The following NKAIN3 variants were observed in gnomAD, a reference collection of about 807,000 sequenced individuals.
NKAIN3 encodes sodium/potassium-transporting ATPase subunit beta-1-interacting protein 3.
Under a neutral mutation model 30.2 loss-of-function variants are expected in NKAIN3, and 25 were observed. The observed-to-expected ratio is 0.83, with a 90% CI of 0.60 to 1.16. The LOEUF is 1.16. Ranked by LOEUF, NKAIN3 falls within the 50% of genes most tolerant of loss-of-function variation. NKAIN3 has a pLI of 0.00. For synonymous variants in NKAIN3, 91 were observed against 89.6 expected, an observed-to-expected ratio of 1.02 and a Z score of -0.09; for missense variants, 225 against 254.1, an observed-to-expected ratio of 0.89 and a Z score of 0.78.
At chr8:62,432,928 C>T (rs946812438) in intron 1 of NKAIN3, among the ~76,000 whole-genome samples, 12 of 152,078 alleles carry the variant, frequency 7.9e-5, no homozygotes, top group African/African-American at 2.9e-4. Context: ...TCCCTACCAG[C>T]CATTTGGTAT....
chr8:62,684,727 AG>A (rs1359267700), intron 3 of NKAIN3, among the ~76,000 whole-genome samples: 2 of 152,228 alleles, frequency 1.3e-5, no homozygotes, highest in African/African-American at 4.8e-5. Flanking sequence ...ATCTTTAAAT[AG>A]GTAATTAAGT....
chr8:62,663,839 G>A (rs1169507468), intron 3 of NKAIN3, among the ~76,000 whole-genome samples: 1 of 152,142 alleles, frequency 6.6e-6, no homozygotes, highest in African/African-American at 2.4e-5. Flanking sequence ...AGTGCGTGAT[G>A]CCCAGATGAT....
intron 4 of NKAIN3, among the ~76,000 whole-genome samples, chr8:62,836,102 T>G (rs1819353234): frequency 6.6e-6 from 1 of 151,916 alleles, no homozygotes; most frequent in Non-Finnish European, 1.5e-5. Context: ...AACCAAATAT[T>G]GCATGTTCTC....
At chr8:62,574,218 G>A (rs1272120606) in intron 1 of NKAIN3, among the ~76,000 whole-genome samples, 1 of 152,056 alleles carries the variant, frequency 6.6e-6, no homozygotes, top group African/African-American at 2.4e-5. Flanking sequence ...CAAATGACAG[G>A]ATCTTATTCT....
At chr8:62,609,150 A>C (rs1337441543) in intron 3 of NKAIN3, among the ~76,000 whole-genome samples, 1 of 152,208 alleles carries the variant, frequency 6.6e-6, no homozygotes, top group African/African-American at 2.4e-5. Context: ...GAAACTCCCT[A>C]CTTTATTTTT....
intron 4 of NKAIN3, among the ~76,000 whole-genome samples, chr8:62,811,869 C>T (rs1314727255): frequency 6.6e-6 from 1 of 151,940 alleles, no homozygotes; most frequent in South Asian, 2.1e-4. Context: ...AGCATTTTTC[C>T]TTCCATGGAT....
At chr8:62,397,735 T>G (rs1817808900) in intron 1 of NKAIN3, among the ~76,000 whole-genome samples, 1 of 152,138 alleles carries the variant, frequency 6.6e-6, no homozygotes, top group African/African-American at 2.4e-5. Flanking sequence ...ATCATTGCCC[T>G]GGAGTCGGCG....
At chr8:62,961,246 C>T (rs1468140943) in intron 6 of NKAIN3, among the ~76,000 whole-genome samples, 1 of 151,810 alleles carries the variant, frequency 6.6e-6, no homozygotes, top group Non-Finnish European at 1.5e-5. Context: ...TGCCACTGCA[C>T]TCCAGCCTAG....
intron 1 of NKAIN3, among the ~76,000 whole-genome samples, chr8:62,447,192 A>C (rs1805510935): frequency 6.6e-6 from 1 of 152,046 alleles, no homozygotes; most frequent in Non-Finnish European, 1.5e-5. Flanking sequence ...TCCCAGGCAA[A>C]CCAGGTCATG....
chr8:62,335,174 C>T (rs1190993928), intron 1 of NKAIN3, among the ~76,000 whole-genome samples: 3 of 152,002 alleles, frequency 2.0e-5, no homozygotes, highest in Non-Finnish European at 4.4e-5. Flanking sequence ...GTGGCTCAAG[C>T]CTGTAATTCC....
In NKAIN3 at chr8:62,541,530, G is replaced by T. The variant is rs1447506465; in HGVS notation, c.55-38009G>T. On this transcript the variant is annotated intron_variant, in intron 1 of 6. Transcript: ENST00000623646. ...TGGATGCTTGTTTGTGAGGAGAAGG[G>T]TCTTTTATCTGAAAACTTTTTCTTG... is the stretch of plus-strand genomic sequence containing the variant. Among the ~76,000 whole-genome samples, 11 of 152,110 alleles carry T rather than the reference G, an allele frequency of 7.2e-5. No individual in the cohort carries two copies. The South Asian group carries it at 1.7e-3, about 23-fold the overall frequency.
intron 1 of NKAIN3, among the ~76,000 whole-genome samples, chr8:62,562,260 C>A (rs921008197): frequency 3.9e-5 from 6 of 152,214 alleles, no homozygotes; most frequent in African/African-American, 1.4e-4. Flanking sequence ...AGTATGAGAG[C>A]ATGATGAAAA....
chr8:62,578,975 T>A (rs1202401626), intron 1 of NKAIN3, among the ~76,000 whole-genome samples: 5 of 152,002 alleles, frequency 3.3e-5, no homozygotes, highest in Non-Finnish European at 5.9e-5. Flanking sequence ...ATCTGGTATT[T>A]GATAGCACAA....
At chr8:62,959,534 A>G (rs1310143044) in intron 6 of NKAIN3, among the ~76,000 whole-genome samples, 2 of 151,770 alleles carry the variant, frequency 1.3e-5, no homozygotes, top group Non-Finnish European at 2.9e-5. Flanking sequence ...ATCACCAGCC[A>G]TGTGTTAGTA....
At chr8:62,687,602 T>C (rs551456726) in intron 3 of NKAIN3, among the ~76,000 whole-genome samples, 75 of 152,336 alleles carry the variant, frequency 4.9e-4, no homozygotes, top group Middle Eastern at 6.8e-3. Flanking sequence ...CTGAAACAGT[T>C]CTACTTCCAC....
intron 3 of NKAIN3, among the ~76,000 whole-genome samples, chr8:62,723,283 C>T (rs1478442345): frequency 6.6e-6 from 1 of 151,760 alleles, no homozygotes; most frequent in African/African-American, 2.4e-5. Flanking sequence ...TATATTCTTC[C>T]CAGGTGGTAA....
In NKAIN3 at chr8:62,582,509, G is replaced by A. The variant is rs910873865; in HGVS notation, c.192+2833G>A. The stretch of plus-strand genomic sequence containing the variant: ...GCAATGGGGTTAGGCACCCTGCAGG[G>A]AGCTGAGAGCTGAGGTCTGCTCTCA... On this transcript the variant is annotated intron_variant, in intron 2 of 6. Transcript: ENST00000623646. Among the ~76,000 whole-genome samples, 3 of 152,138 alleles carry A rather than the reference G, an allele frequency of 2.0e-5. 1 individual carries two copies. The South Asian group carries it at 6.2e-4, about 32-fold the overall frequency.
At chr8:62,563,708 T>G (rs1809658820) in intron 1 of NKAIN3, among the ~76,000 whole-genome samples, 1 of 152,150 alleles carries the variant, frequency 6.6e-6, no homozygotes, top group Non-Finnish European at 1.5e-5. Context: ...AAATAATCTC[T>G]CACAGTGAAT....
chr8:62,564,439 A>G (rs780799391), intron 1 of NKAIN3, among the ~76,000 whole-genome samples: 4 of 152,184 alleles, frequency 2.6e-5, no homozygotes, highest in Non-Finnish European at 5.9e-5. Context: ...AATGCTGTTT[A>G]TGAAACTTCT....
Sources: gnomAD v4.1 joint callset for allele counts (sites outside exome capture counted in the v4.1 genomes callset) on GRCh38, gnomAD v4.1.1 for gene constraint, MANE v1.5 for transcripts, NCBI Gene and HGNC (gene_info 2026-07-23, HGNC 2026-07-21) for gene names.